CD96: variants seen among roughly 807,000 people sequenced by gnomAD.
The protein encoded by CD96 is CD96 molecule.
Under a neutral mutation model 71.3 loss-of-function variants are expected in CD96, and 70 were observed. The ratio of observed to expected loss-of-function variants is 0.98; its 90% confidence interval spans 0.81 to 1.20. The LOEUF is 1.20. Among genes scored for constraint, CD96 ranks in the 50% most tolerant of loss-of-function variants. CD96 has a pLI of 0.00. For missense variants in CD96, 742 were observed against 677.5 expected, an observed-to-expected ratio of 1.10 and a Z score of -1.06; for synonymous variants, 248 against 233.0, an observed-to-expected ratio of 1.06 and a Z score of -0.59.
At chr3:111,591,522 C>T (rs772626388) in intron 5 of CD96, among the ~76,000 whole-genome samples, 11 of 152,138 alleles carry the variant, frequency 7.2e-5, no homozygotes, top group Non-Finnish European at 1.5e-4. Context: ...TTTCCTCAAG[C>T]TTCCTAAGCC....
At chr3:111,658,082 C>A (rs1458997541) in intron 14 of CD96, among the ~76,000 whole-genome samples, 1 of 152,166 alleles carries the variant, frequency 6.6e-6, no homozygotes, top group Non-Finnish European at 1.5e-5. Context: ...AGGAACTGAA[C>A]TCAGAGAAAT....
chr3:111,576,572 T>C (rs1936231160), intron 3 of CD96, among the ~76,000 whole-genome samples: 1 of 152,198 alleles, frequency 6.6e-6, no homozygotes, highest in Admixed American at 6.5e-5. Flanking sequence ...GACTTATTTG[T>C]CCCCGGTTCT....
chr3:111,563,977 T>C (rs1935580038), intron 2 of CD96, among the ~76,000 whole-genome samples: 2 of 152,148 alleles, frequency 1.3e-5, no homozygotes, highest in African/African-American at 4.8e-5. Context: ...TCACATTTTC[T>C]TTCCCTGAGT....
At chr3:111,547,026 A>ATACATAGT (rs1408367175) in intron 2 of CD96, among the ~76,000 whole-genome samples, 3 of 152,100 alleles carry the variant, frequency 2.0e-5, no homozygotes, top group Admixed American at 1.3e-4. Flanking sequence ...CTGTTTAGCT[A>ATACATAGT]TACATAGTTT....
At chr3:111,579,265 C>T in intron 4 of CD96, 31 bp downstream of exon 4, 1 of 1,155,280 alleles carries the variant, frequency 8.7e-7, no homozygotes, top group African/African-American at 1.5e-5. Context: ...GACTCACTGG[C>T]ATCCTCCTGT....
At chr3:111,613,818 A>T (rs1287687575) in intron 8 of CD96, among the ~76,000 whole-genome samples, 3 of 152,238 alleles carry the variant, frequency 2.0e-5, no homozygotes, top group African/African-American at 7.2e-5. Flanking sequence ...GAATAAGGCA[A>T]AACCTTAGAT....
intron 8 of CD96, among the ~76,000 whole-genome samples, chr3:111,613,021 C>T (rs1300166040): frequency 6.6e-6 from 1 of 152,026 alleles, no homozygotes; most frequent in African/African-American, 2.4e-5. Context: ...CTGGGAAATT[C>T]TGTTTATTGT....
intron 2 of CD96, among the ~76,000 whole-genome samples, chr3:111,562,066 C>T (rs1935463070): frequency 6.6e-6 from 1 of 152,382 alleles, no homozygotes; most frequent in South Asian, 2.1e-4. Context: ...CCTGCTTCGG[C>T]TCCCGCACGG....
chr3:111,571,005 T>C (rs1397504311), intron 3 of CD96: 1 of 1,456,768 alleles, frequency 6.9e-7, no homozygotes, highest in Non-Finnish European at 9.6e-7. Context: ...CTCCTGCTCC[T>C]CCAGCTTCTC....
chr3:111,655,358 T>C (rs1404000205), downstream of CD96, among the ~76,000 whole-genome samples: 1 of 152,166 alleles, frequency 6.6e-6, no homozygotes, highest in East Asian at 1.9e-4. Flanking sequence ...AAGAACTACT[T>C]ATTGCCTTCA....
intron 10 of CD96, among the ~76,000 whole-genome samples, chr3:111,630,140 A>G (rs1170265209): frequency 6.6e-6 from 1 of 152,186 alleles, no homozygotes; most frequent in Non-Finnish European, 1.5e-5. Context: ...AAGCTAGCAG[A>G]AGACAAGAAA....
rs144909866 is a variant in CD96, at chr3:111,590,552, C to T, written c.807+5174C>T. On this transcript the variant is annotated intron_variant, in intron 5 of 13. Transcript: ENST00000352690. The stretch of plus-strand genomic sequence containing the variant: ...ATACAAGACCCAAAAGCATGATGCC[C>T]CTCAGGCATGGACATGCCGTAGATG... Among the ~76,000 whole-genome samples the T allele has an allele frequency of 1.1e-3, 164 of 152,326 alleles. 1 individual carries two copies. The highest frequency in any genetic ancestry group is 5.8e-3 in the Admixed American group (89 of 15,310).
chr3:111,610,068 G>A (rs1444154055), intron 8 of CD96, among the ~76,000 whole-genome samples: 1 of 152,194 alleles, frequency 6.6e-6, no homozygotes, highest in Non-Finnish European at 1.5e-5. Context: ...CAAGGCTTAG[G>A]TGTAATTACA....
At chr3:111,565,316 T>A (rs923302547) in intron 2 of CD96, among the ~76,000 whole-genome samples, 4 of 152,180 alleles carry the variant, frequency 2.6e-5, no homozygotes, top group Non-Finnish European at 5.9e-5. Flanking sequence ...ATATGATCTA[T>A]GTATTTTTAG....
intron 10 of CD96, among the ~76,000 whole-genome samples, chr3:111,625,846 C>T (rs1224830815): frequency 1.3e-5 from 2 of 152,020 alleles, no homozygotes; most frequent in Admixed American, 6.6e-5. Context: ...ATATTTGCCA[C>T]ACATATAATT....
intron 2 of CD96, among the ~76,000 whole-genome samples, chr3:111,561,046 G>GT (rs548731903): frequency 0.076 from 10,677 of 140,662 alleles, 1,063 homozygotes; most frequent in African/African-American, 0.27. Flanking sequence ...TCGAGCCTTG[G>GT]TTTTCAGCTC....
chr3:111,578,527 T>C lies in CD96; in HGVS notation c.544-500T>C, dbSNP rs184219288. The stretch of plus-strand genomic sequence containing the variant: ...GTGTCAACATTTCACTTGCAAGACT[T>C]TGAGAATGCCACTTTACCTGATCCT... On this transcript the variant is annotated intron_variant, in intron 3 of 13. Coordinates refer to ENST00000352690, the MANE Select transcript of CD96 (RefSeq NM_005816.5). Among the ~76,000 whole-genome samples the C allele has an allele frequency of 4.3e-4, 66 of 152,302 alleles. 1 individual carries two copies. In the East Asian group the frequency reaches 0.012, roughly 28 times the overall value.
chr3:111,656,420 G>T (rs2107808286), downstream of CD96, among the ~76,000 whole-genome samples: 1 of 152,162 alleles, frequency 6.6e-6, no homozygotes, highest in Non-Finnish European at 1.5e-5. Context: ...AGTGCAAAAT[G>T]GTGCCACCAA....
At chr3:111,586,225 A>G (rs1936706697) in intron 5 of CD96, among the ~76,000 whole-genome samples, 1 of 152,184 alleles carries the variant, frequency 6.6e-6, no homozygotes, top group African/African-American at 2.4e-5. Context: ...CCAAGCTTTT[A>G]AAAACCCTAA....
Sources: gnomAD v4.1 joint callset for allele counts (sites outside exome capture counted in the v4.1 genomes callset) on GRCh38, gnomAD v4.1.1 for gene constraint, MANE v1.5 for transcripts, NCBI Gene and HGNC (gene_info 2026-07-23, HGNC 2026-07-21) for gene names.